CFAP299: variants seen among roughly 807,000 people sequenced by gnomAD.
CFAP299 encodes cilia- and flagella-associated protein 299.
CFAP299 carries 21 observed loss-of-function variants against 27.0 expected under a neutral mutation model. That is an observed-to-expected ratio of 0.78 (90% CI 0.55 to 1.12). CFAP299 has a LOEUF of 1.12. CFAP299 is among the 50% of genes most tolerant of loss of function. The pLI is 0.00. For synonymous variants in CFAP299, 104 were observed against 98.1 expected (o/e 1.06, Z -0.36); for missense variants, 310 against 276.6 (o/e 1.12, Z -0.86).
intron 2 of CFAP299, among the ~76,000 whole-genome samples, chr4:80,543,838 A>G (rs2110201628): frequency 6.6e-6 from 1 of 152,366 alleles, no homozygotes; most frequent in East Asian, 1.9e-4. Flanking sequence ...AGAAATTCAG[A>G]GAACCCATGT....
rs538000134 is a variant in CFAP299, at chr4:80,379,209, A to G, written c.242+16325A>G. On this transcript the variant is annotated intron_variant, in intron 2 of 5. Transcript: ENST00000358105. ...TTTGTTCATTTCACCTAATCAATCT[A>G]TAGGCATAAAGTCATTCTTAATATC... is the stretch of plus-strand genomic sequence containing the variant. 5.3e-5 allele frequency among the ~76,000 whole-genome samples: 8 copies of G among 152,198 alleles called. No homozygotes were observed. In the South Asian group the frequency reaches 1.4e-3, roughly 28 times the overall value.
chr4:80,918,554 AG>A (rs1560476567), intron 4 of CFAP299, among the ~76,000 whole-genome samples: 1 of 152,082 alleles, frequency 6.6e-6, no homozygotes, highest in Non-Finnish European at 1.5e-5. Flanking sequence ...GAAAGGAGAG[AG>A]GAGAGAACAT....
chr4:80,710,485 T>TC (rs1312633120), intron 3 of CFAP299, among the ~76,000 whole-genome samples: 1 of 105,020 alleles, frequency 9.5e-6, no homozygotes, highest in East Asian at 3.1e-4. Context: ...TTCTTTTTCT[T>TC]TTTTTTTTTT....
At chr4:80,883,316 CA>C (rs1733807952) in intron 4 of CFAP299, among the ~76,000 whole-genome samples, 1 of 151,848 alleles carries the variant, frequency 6.6e-6, no homozygotes, top group Non-Finnish European at 1.5e-5. Flanking sequence ...GAGAAGGAAT[CA>C]AAGCATACCA....
chr4:80,335,675 G>C (rs1221357118), upstream of CFAP299: 4 of 780,050 alleles, frequency 5.1e-6, no homozygotes, highest in African/African-American at 1.7e-5. Context: ...GCTCACACCG[G>C]CTTCAACTGA....
chr4:80,615,896 C>T (rs184421979), intron 3 of CFAP299, among the ~76,000 whole-genome samples: 65 of 152,250 alleles, frequency 4.3e-4, no homozygotes, highest in Admixed American at 2.0e-3. Context: ...TCAATACCTC[C>T]TTCAAAGTAT....
chr4:80,842,006 A>C (rs182214324), intron 3 of CFAP299, among the ~76,000 whole-genome samples: 1 of 152,232 alleles, frequency 6.6e-6, no homozygotes, highest in East Asian at 1.9e-4. Context: ...AAAGAGACTG[A>C]ATATCCCTTG....
At chr4:80,951,244 A>T (rs1045787597) in intron 5 of CFAP299, among the ~76,000 whole-genome samples, 1 of 152,182 alleles carries the variant, frequency 6.6e-6, no homozygotes, top group East Asian at 1.9e-4. Context: ...AGAGACCCAT[A>T]GTTTCTATTG....
At chr4:80,591,119 T>TTA (rs1560642999) in intron 3 of CFAP299, among the ~76,000 whole-genome samples, 6 of 138,318 alleles carry the variant, frequency 4.3e-5, no homozygotes, top group Non-Finnish European at 7.6e-5. Flanking sequence ...TTTTTTTTTT[T>TTA]TTTTTTTTTT....
At chr4:80,423,279 A>G (rs969290045) in intron 2 of CFAP299, among the ~76,000 whole-genome samples, 3 of 152,214 alleles carry the variant, frequency 2.0e-5, no homozygotes, top group Non-Finnish European at 2.9e-5. Flanking sequence ...AAAGTTTAGA[A>G]AGTATTATTT....
At chr4:80,688,807 A>C (rs984024784) in intron 3 of CFAP299, among the ~76,000 whole-genome samples, 1 of 152,022 alleles carries the variant, frequency 6.6e-6, no homozygotes, top group Non-Finnish European at 1.5e-5. Flanking sequence ...AAAATTTAGA[A>C]GAATGTATAA....
At chr4:80,799,292 T>A (rs1397047208) in intron 3 of CFAP299, among the ~76,000 whole-genome samples, 1 of 108,520 alleles carries the variant, frequency 9.2e-6, no homozygotes, top group African/African-American at 3.8e-5. Flanking sequence ...ATTGTATAAA[T>A]ATATTTATAT....
chr4:80,504,684 A>T (rs1731926680), intron 2 of CFAP299, among the ~76,000 whole-genome samples: 2 of 147,690 alleles, frequency 1.4e-5, no homozygotes, highest in Non-Finnish European at 3.0e-5. Flanking sequence ...AGAATGGGGG[A>T]TTAAAAAAAA....
intron 3 of CFAP299, among the ~76,000 whole-genome samples, chr4:80,754,198 C>G (rs568847301): frequency 1.3e-5 from 2 of 151,994 alleles, no homozygotes; most frequent in Non-Finnish European, 2.9e-5. Flanking sequence ...ATTATTAGTG[C>G]GCCATGGGCT....
At chr4:80,704,666 A>G (rs1402596274) in intron 3 of CFAP299, among the ~76,000 whole-genome samples, 1 of 151,786 alleles carries the variant, frequency 6.6e-6, no homozygotes, top group African/African-American at 2.4e-5. Flanking sequence ...TTGCAGAAGC[A>G]ACATTCCTTT....
At chr4:80,330,365 G>T in the CFAP299 span, among the ~76,000 whole-genome samples, 1 of 152,102 alleles carries the variant, frequency 6.6e-6, no homozygotes, top group Non-Finnish European at 1.5e-5. Flanking sequence ...TGGAGAGTAT[G>T]ATTAAAGCTT....
intron 3 of CFAP299, among the ~76,000 whole-genome samples, chr4:80,601,212 GAGA>G (rs2109901020): frequency 6.6e-6 from 1 of 152,176 alleles, no homozygotes; most frequent in South Asian, 2.1e-4. Context: ...AGATTAATTG[GAGA>G]AGTTTAGTTT....
intron 3 of CFAP299, among the ~76,000 whole-genome samples, chr4:80,607,976 G>A (rs1016130801): frequency 3.3e-5 from 5 of 152,086 alleles, no homozygotes; most frequent in Non-Finnish European, 7.4e-5. Flanking sequence ...AAGTAGTTTT[G>A]CCTAATTTTA....
intron 2 of CFAP299, among the ~76,000 whole-genome samples, chr4:80,536,828 T>G (rs1441960838): frequency 6.6e-6 from 1 of 151,930 alleles, no homozygotes; most frequent in Non-Finnish European, 1.5e-5. Context: ...ATATGACCCC[T>G]AAAACCCAGG....
Sources: allele counts gnomAD v4.1 joint callset (sites outside exome capture counted in the v4.1 genomes callset), GRCh38; gene constraint gnomAD v4.1.1; transcripts MANE v1.5; gene names NCBI Gene and HGNC (gene_info 2026-07-23, HGNC 2026-07-21).